SNX29: variants seen among roughly 807,000 people sequenced by gnomAD.
The protein encoded by SNX29 is sorting nexin 29.
SNX29 carries 78 observed loss-of-function variants against 102.1 expected under a neutral mutation model. The observed-to-expected ratio is 0.76, with a 90% CI of 0.64 to 0.92. The LOEUF is 0.92. Ranked by LOEUF, SNX29 falls within the 40% of genes least tolerant of loss-of-function variation. SNX29 has a pLI of 0.00. For missense variants in SNX29, 1,280 were observed against 1,061.7 expected (o/e 1.21, Z -2.86); for synonymous variants, 580 against 414.5 (o/e 1.40, Z -4.85).
chr16:12,550,522 C>G (rs1040754374), intron 20 of SNX29, among the ~76,000 whole-genome samples: 3 of 132,386 alleles, frequency 2.3e-5, no homozygotes, highest in South Asian at 5.5e-4. Context: ...GAGACACAGT[C>G]TCAATCTACA....
At chr16:12,201,103 G>T (rs1369485679) in intron 14 of SNX29, among the ~76,000 whole-genome samples, 1 of 152,176 alleles carries the variant, frequency 6.6e-6, no homozygotes, top group Non-Finnish European at 1.5e-5. Flanking sequence ...GCTTATTGGT[G>T]ATGCTATTTG....
At chr16:12,555,936 T>C (rs2078314428) in intron 20 of SNX29, among the ~76,000 whole-genome samples, 1 of 152,192 alleles carries the variant, frequency 6.6e-6, no homozygotes, top group Non-Finnish European at 1.5e-5. Flanking sequence ...GTCAGGTCTG[T>C]TTACATCACA....
intron 18 of SNX29, among the ~76,000 whole-genome samples, chr16:12,411,586 A>G (rs1021153553): frequency 6.6e-6 from 1 of 152,206 alleles, no homozygotes; most frequent in Admixed American, 6.5e-5. Context: ...TAAAGCCTTT[A>G]TTCGTCCCAA....
chr16:12,048,688 C>G (rs1268379541), intron 7 of SNX29, 68 bp downstream of exon 7: 3 of 1,612,896 alleles, frequency 1.9e-6, no homozygotes, highest in African/African-American at 2.7e-5. Flanking sequence ...GTGGACATAT[C>G]TTGTCATCTG....
At chr16:12,370,187 A>G (rs1329637726) in intron 16 of SNX29, among the ~76,000 whole-genome samples, 1 of 152,174 alleles carries the variant, frequency 6.6e-6, no homozygotes. Context: ...GTGCCATTGC[A>G]CTCTAGCCTG....
chr16:12,207,323 C>G (rs745577755), intron 14 of SNX29, among the ~76,000 whole-genome samples: 3 of 152,062 alleles, frequency 2.0e-5, no homozygotes, highest in Non-Finnish European at 2.9e-5. Context: ...GAGCCAAGAT[C>G]GCACCACTTC....
intron 13 of SNX29, among the ~76,000 whole-genome samples, chr16:12,183,046 C>A (rs1296501165): frequency 1.3e-5 from 2 of 152,010 alleles, no homozygotes; most frequent in African/African-American, 4.8e-5. Context: ...CTTTGTCACC[C>A]AGGTTGGAGT....
chr16:12,267,109 C>T (rs539715724), intron 14 of SNX29, among the ~76,000 whole-genome samples: 1 of 152,254 alleles, frequency 6.6e-6, no homozygotes, highest in South Asian at 2.1e-4. Context: ...ATCACTGGAA[C>T]CCCTTGCTTT....
chr16:12,382,078 G>C (rs2083184619), intron 16 of SNX29, among the ~76,000 whole-genome samples: 1 of 151,978 alleles, frequency 6.6e-6, no homozygotes, highest in African/African-American at 2.4e-5. Flanking sequence ...GACCACCCCT[G>C]CCAATGAATA....
chr16:12,552,332 C>A (rs1005291333), intron 20 of SNX29, among the ~76,000 whole-genome samples: 1 of 152,176 alleles, frequency 6.6e-6, no homozygotes, highest in East Asian at 1.9e-4. Context: ...AACTCCTCTC[C>A]TGGCTTCTGT....
At chr16:12,191,686 C>A (rs1485922291) in intron 13 of SNX29, among the ~76,000 whole-genome samples, 1 of 152,178 alleles carries the variant, frequency 6.6e-6, no homozygotes, top group Non-Finnish European at 1.5e-5. Context: ...AGAGACTTAA[C>A]AGGAATATGT....
At chr16:12,210,974 T>C (rs139125704) in intron 14 of SNX29, among the ~76,000 whole-genome samples, 11 of 152,240 alleles carry the variant, frequency 7.2e-5, no homozygotes, top group Non-Finnish European at 1.6e-4. Context: ...TGAGGAGTAA[T>C]TGAGAGAATT....
At chr16:12,536,369 C>CTTGT (rs901797335) in intron 20 of SNX29, among the ~76,000 whole-genome samples, 1 of 151,890 alleles carries the variant, frequency 6.6e-6, no homozygotes, top group African/African-American at 2.4e-5. Context: ...GGGGGTAAAG[C>CTTGT]TTGTTTATGA....
intron 18 of SNX29, among the ~76,000 whole-genome samples, chr16:12,449,678 G>A (rs553200284): frequency 6.6e-6 from 1 of 152,286 alleles, no homozygotes; most frequent in South Asian, 2.1e-4. Flanking sequence ...GAAGCTATTT[G>A]TCTGAGGTTA....
chr16:12,097,156 C>T (rs1002215284), intron 11 of SNX29, among the ~76,000 whole-genome samples: 5 of 152,220 alleles, frequency 3.3e-5, no homozygotes, highest in African/African-American at 9.6e-5. Flanking sequence ...GATGGTGCTG[C>T]CGAGTACTGA....
rs140752117 is a variant in SNX29, at chr16:12,427,277, G to GT, written c.2037+23757dup. 1.1e-3 allele frequency among the ~76,000 whole-genome samples: 167 copies of GT among 149,624 alleles called. 1 individual carries two copies. The highest frequency in any genetic ancestry group is 8.8e-3 in the East Asian group (45 of 5,104). ...TCCAGGTTTGTTTGTCGTTGCTGTT[G>GT]TTTTTTTTTGTGATGAAAATCTTGA... On this transcript the variant is annotated intron_variant, in intron 18 of 20. Coordinates refer to ENST00000566228, the MANE Select transcript of SNX29 (RefSeq NM_032167.5).
chr16:12,322,778 A>ATG (rs2080982232), intron 15 of SNX29, among the ~76,000 whole-genome samples: 1 of 148,086 alleles, frequency 6.8e-6, no homozygotes, highest in African/African-American at 2.5e-5. Context: ...GTCAGGATGC[A>ATG]GTCAGTAGGG....
At chr16:12,227,726 C>G (rs897260803) in intron 14 of SNX29, among the ~76,000 whole-genome samples, 23 of 151,780 alleles carry the variant, frequency 1.5e-4, no homozygotes, top group African/African-American at 5.6e-4. Context: ...ATGGCGAAAC[C>G]CAGTCTCTAC....
chr16:12,100,923 AC>A (rs1353427572), intron 11 of SNX29, among the ~76,000 whole-genome samples: 5 of 152,050 alleles, frequency 3.3e-5, no homozygotes, highest in South Asian at 4.1e-4. Context: ...AGGGCTGGGG[AC>A]TTTTTGATTA....
Sources: gnomAD v4.1 joint callset for allele counts (sites outside exome capture counted in the v4.1 genomes callset) on GRCh38, gnomAD v4.1.1 for gene constraint, MANE v1.5 for transcripts, NCBI Gene and HGNC (gene_info 2026-07-23, HGNC 2026-07-21) for gene names.